The following FAM81A variants were observed in gnomAD, a reference collection of about 807,000 sequenced individuals.
The protein encoded by FAM81A is family with sequence similarity 81 member A, also known as protein FAM81A.
Under a neutral mutation model 46.7 loss-of-function variants are expected in FAM81A, and 19 were observed. That is an observed-to-expected ratio of 0.41 (90% CI 0.28 to 0.60). FAM81A has a LOEUF of 0.60. FAM81A is among the 20% of genes least tolerant of loss of function. FAM81A has a pLI of 0.34. For missense variants in FAM81A, 377 were observed against 453.5 expected (o/e 0.83, Z 1.53); for synonymous variants, 183 against 152.9 (o/e 1.20, Z -1.45).
At chr15:59,494,840 GT>G (rs2141767428) in intron 4 of FAM81A, among the ~76,000 whole-genome samples, 1 of 152,170 alleles carries the variant, frequency 6.6e-6, no homozygotes, top group African/African-American at 2.4e-5. Context: ...GTGTCCATTG[GT>G]GATGTAATTA....
intron 1 of FAM81A, among the ~76,000 whole-genome samples, chr15:59,450,130 G>A (rs1419689258): frequency 7.2e-6 from 1 of 139,026 alleles, no homozygotes; most frequent in African/African-American, 2.7e-5. Flanking sequence ...AATGTAAATG[G>A]GGTTGCCATG....
chr15:59,485,577 T>C (rs1337855414), intron 3 of FAM81A, among the ~76,000 whole-genome samples: 1 of 152,208 alleles, frequency 6.6e-6, no homozygotes, highest in African/African-American at 2.4e-5. Flanking sequence ...TACCCCCTAA[T>C]GCAGATATGG....
chr15:59,514,343 G>C lies in FAM81A; in HGVS notation c.705G>C (p.Trp235Cys), dbSNP rs780245544. ...ACCAGATATTATCTGCACGGAGTTGGTTGCAACAGGAACAAGAACGGATAG... is the reference window on the plus strand; with the variant it reads ...ACCAGATATTATCTGCACGGAGTTGCTTGCAACAGGAACAAGAACGGATAG... ...LSNQILSARS[W>C]LQQEQERIEK... The change falls in exon 7 of 9, where the codon TGG (tryptophan) becomes TGC (cysteine). Residue 235 changes from tryptophan to cysteine, a missense_variant. By Grantham distance (215) the Trp-to-Cys change is radical (BLOSUM62 -2). Transcript: ENST00000288228. The C allele has an allele frequency of 6.2e-7, 1 of 1,613,748 alleles. No individual in the cohort carries two copies. The highest frequency in any genetic ancestry group is 1.1e-5 in the South Asian group (1 of 91,062).
chr15:59,403,190 A>T (rs1430119777), intron 2 of FAM81A, among the ~76,000 whole-genome samples: 1 of 152,094 alleles, frequency 6.6e-6, no homozygotes, highest in East Asian at 1.9e-4. Flanking sequence ...ATTTATTGAG[A>T]ACTTCGGTTA....
chr15:59,448,922 C>T (rs2081383216), intron 1 of FAM81A, among the ~76,000 whole-genome samples: 1 of 152,182 alleles, frequency 6.6e-6, no homozygotes, highest in African/African-American at 2.4e-5. Context: ...ACTTCAGCCT[C>T]TAAAAATGTT....
rs191756744 is a variant in FAM81A, at chr15:59,460,838, A to G, written c.294+632A>G. Among the ~76,000 whole-genome samples the G allele has an allele frequency of 1.1e-3, 160 of 152,324 alleles. 2 individuals are homozygous for G. The highest frequency in any genetic ancestry group is 3.2e-3 in the African/African-American group (132 of 41,582). Reference sequence around the variant, plus strand: ...GGGCTTGGGTTTCCCTCACTACGCAATGTTCATATCTTTCACATGTAATGA... The same window carrying G: ...GGGCTTGGGTTTCCCTCACTACGCAGTGTTCATATCTTTCACATGTAATGA... On this transcript the variant is annotated intron_variant, in intron 3 of 8. Transcript: ENST00000288228. The surrounding 1 kb of genome is among the most constrained non-coding windows in gnomAD (Gnocchi z 4.4).
intron 3 of FAM81A, among the ~76,000 whole-genome samples, chr15:59,491,478 TAGAA>T (rs1452406300): frequency 6.6e-6 from 1 of 152,078 alleles, no homozygotes; most frequent in Non-Finnish European, 1.5e-5. Flanking sequence ...AAAAAATAGT[TAGAA>T]TTAATAAGAT....
intron 2 of FAM81A, among the ~76,000 whole-genome samples, chr15:59,409,720 A>G (rs1009513374): frequency 5.3e-5 from 8 of 152,176 alleles, no homozygotes; most frequent in Non-Finnish European, 1.0e-4. Context: ...AATAGCTAAC[A>G]TTTATTAACC....
chr15:59,488,231 G>A (rs2081942556), intron 3 of FAM81A, among the ~76,000 whole-genome samples: 1 of 151,930 alleles, frequency 6.6e-6, no homozygotes, highest in South Asian at 2.1e-4. Flanking sequence ...CCCTTCATGA[G>A]AAAAACCCTC....
At chr15:59,473,921 C>G (rs918551416) in intron 3 of FAM81A, among the ~76,000 whole-genome samples, 2 of 152,194 alleles carry the variant, frequency 1.3e-5, no homozygotes, top group Non-Finnish European at 2.9e-5. Flanking sequence ...AAGCAGTCCT[C>G]TCACCTTGGC....
intron 5 of FAM81A, 102 bp from the exon 6 acceptor site, chr15:59,508,761 G>T: frequency 1.4e-6 from 1 of 722,444 alleles, no homozygotes; most frequent in Admixed American, 2.9e-5. Context: ...AAATTAGATA[G>T]AATCTTAATG....
intron 2 of FAM81A, among the ~76,000 whole-genome samples, chr15:59,414,590 G>A (rs1166371782): frequency 6.6e-6 from 1 of 152,142 alleles, no homozygotes; most frequent in African/African-American, 2.4e-5. Flanking sequence ...TCTCTCCTGT[G>A]ATGAGTTAAT....
At chr15:59,421,793 ACC>A (rs2081174158) in intron 2 of FAM81A, among the ~76,000 whole-genome samples, 1 of 141,806 alleles carries the variant, frequency 7.1e-6, no homozygotes, top group African/African-American at 3.0e-5. Context: ...CTATCTATCT[ACC>A]TACCTAACTA....
At chr15:59,500,519 C>G (rs1319798863) in intron 4 of FAM81A, among the ~76,000 whole-genome samples, 1 of 152,000 alleles carries the variant, frequency 6.6e-6, no homozygotes, top group African/African-American at 2.4e-5. Context: ...CCAGGCTGGT[C>G]TCAAAGTCCT....
chr15:59,487,027 T>C (rs1361176122), intron 3 of FAM81A, among the ~76,000 whole-genome samples: 1 of 151,182 alleles, frequency 6.6e-6, no homozygotes, highest in African/African-American at 2.4e-5. Flanking sequence ...AACTATTCCT[T>C]ATCTTAAATA....
At chr15:59,401,611 T>A (rs796200861) in intron 1 of FAM81A, 1 of 904,990 alleles carries the variant, frequency 1.1e-6, no homozygotes, top group South Asian at 1.3e-5. Flanking sequence ...TTAATACTTC[T>A]GTTTCTCCCT....
chr15:59,487,753 G>A (rs1180383349), intron 3 of FAM81A, among the ~76,000 whole-genome samples: 1 of 152,044 alleles, frequency 6.6e-6, no homozygotes, highest in Non-Finnish European at 1.5e-5. Context: ...CGAGATTGAA[G>A]CCATAATAAA....
At chr15:59,505,980 C>A (rs2082144765) in intron 4 of FAM81A, among the ~76,000 whole-genome samples, 1 of 152,018 alleles carries the variant, frequency 6.6e-6, no homozygotes, top group Non-Finnish European at 1.5e-5. Context: ...GTTAGAAATT[C>A]TGTCTTCCTA....
chr15:59,403,247 A>G (rs1294072165), intron 2 of FAM81A, among the ~76,000 whole-genome samples: 1 of 151,746 alleles, frequency 6.6e-6, no homozygotes, highest in Non-Finnish European at 1.5e-5. Context: ...TCATATGTTG[A>G]AGCCCTAACC....
Sources: allele counts gnomAD v4.1 joint callset (sites outside exome capture counted in the v4.1 genomes callset), GRCh38; gene constraint gnomAD v4.1.1; non-coding constraint Gnocchi (gnomAD v3.1); transcripts MANE v1.5; gene names NCBI Gene and HGNC (gene_info 2026-07-23, HGNC 2026-07-21).